The following GRID2 variants were observed in gnomAD, a reference collection of about 807,000 sequenced individuals.
GRID2 encodes glutamate receptor ionotropic, delta-2.
GRID2 carries 33 observed loss-of-function variants against 114.8 expected under a neutral mutation model. That is an observed-to-expected ratio of 0.29 (90% CI 0.22 to 0.38). The LOEUF (loss-of-function observed/expected upper bound fraction) is 0.38, where lower values mean the gene tolerates loss of function less well. Among genes scored for constraint, GRID2 ranks in the 10% least tolerant of loss-of-function variants. The pLI is 1.00. For synonymous variants in GRID2, 505 were observed against 449.9 expected (o/e 1.12, Z -1.55); for missense variants, 1,184 against 1,257.7 (o/e 0.94, Z 0.89).
chr4:92,387,820 C>G (rs1730044810), intron 1 of GRID2, among the ~76,000 whole-genome samples: 1 of 152,096 alleles, frequency 6.6e-6, no homozygotes, highest in South Asian at 2.1e-4. Flanking sequence ...AATAAAAATT[C>G]CATTCCCTAA....
At chr4:92,437,198 A>G (rs1436599369) in intron 1 of GRID2, among the ~76,000 whole-genome samples, 1 of 152,208 alleles carries the variant, frequency 6.6e-6, no homozygotes, top group East Asian at 1.9e-4. Context: ...TATTCGGTGC[A>G]CTGAACTTGG....
intron 2 of GRID2, among the ~76,000 whole-genome samples, chr4:92,645,342 G>GGT (rs1220182544): frequency 1.3e-5 from 2 of 151,608 alleles, no homozygotes; most frequent in African/African-American, 4.8e-5. Flanking sequence ...TGTTTAACAT[G>GGT]TTCCCCTTTT....
chr4:92,900,288 G>A (rs1021360332), intron 2 of GRID2, among the ~76,000 whole-genome samples: 4 of 152,022 alleles, frequency 2.6e-5, no homozygotes, highest in East Asian at 1.9e-4. Flanking sequence ...ATAAATTTAG[G>A]GGGTACGAGT....
chr4:92,875,149 G>GTT (rs36120160), intron 2 of GRID2, among the ~76,000 whole-genome samples: 1,073 of 85,020 alleles, frequency 0.013, 64 homozygotes, highest in African/African-American at 0.044. Flanking sequence ...AACTCAAAAG[G>GTT]TTTTTTTTTT....
intron 8 of GRID2, among the ~76,000 whole-genome samples, chr4:93,271,318 G>A (rs1322232353): frequency 1.3e-5 from 2 of 152,118 alleles, no homozygotes; most frequent in African/African-American, 2.4e-5. Flanking sequence ...GCTGGGAGGT[G>A]GGGGAATGTC....
rs375925334 is a variant in GRID2 at position 92,881,548 on chromosome 4, G to T, written c.245-203447G>T. ...ATAATTGATTTGCATTACAACACAA[G>T]TCAAGGTAAAAATTCTATATTTATG... On this transcript the variant is annotated intron_variant, in intron 2 of 15. Coordinates refer to ENST00000282020, the MANE Select transcript of GRID2 (RefSeq NM_001510.4). 2.6e-5 allele frequency among the ~76,000 whole-genome samples: 4 copies of T among 152,148 alleles called. No homozygotes were observed. The East Asian group carries it at 7.7e-4, about 29-fold the overall frequency.
At chr4:93,206,872 T>C (rs1472749199) in intron 4 of GRID2, among the ~76,000 whole-genome samples, 1 of 152,116 alleles carries the variant, frequency 6.6e-6, no homozygotes, top group African/African-American at 2.4e-5. Flanking sequence ...TTAGAATAGA[T>C]CACCTTAGAA....
In GRID2 at chr4:93,591,514, T is replaced by A. The variant is rs528232836; in HGVS notation, c.2194-34755T>A. ...TTCATCAGGGATATGGGTCTAAAATTCTCTTTTTTGGTTCTGTCTCTGCCG... is the reference window on the plus strand; with the variant it reads ...TTCATCAGGGATATGGGTCTAAAATACTCTTTTTTGGTTCTGTCTCTGCCG... On this transcript the variant is annotated intron_variant, in intron 13 of 15. Transcript: ENST00000282020. Among the ~76,000 whole-genome samples the A allele has an allele frequency of 7.0e-4, 106 of 152,254 alleles. 1 individual carries two copies. The highest frequency in any genetic ancestry group is 1.4e-3 in the Non-Finnish European group (97 of 68,014).
chr4:93,561,097 A>G (rs1353628957), intron 13 of GRID2, among the ~76,000 whole-genome samples: 1 of 152,130 alleles, frequency 6.6e-6, no homozygotes, highest in Non-Finnish European at 1.5e-5. Flanking sequence ...ATTTACTTCA[A>G]AATAACCTGC....
At position 93,773,814 on chromosome 4, in the gene GRID2, T is replaced by C. The variant is rs1039217797; in HGVS notation, c.*1316T>C. ...TCTCAACTCAACTCCCTTTTTTATTTAGTTCTATTTGGAGGAGTTATGTAT... is the reference window on the plus strand; with the variant it reads ...TCTCAACTCAACTCCCTTTTTTATTCAGTTCTATTTGGAGGAGTTATGTAT... On this transcript the variant is annotated 3_prime_UTR_variant, in exon 16 of 16. Coordinates refer to ENST00000282020, the MANE Select transcript of GRID2 (RefSeq NM_001510.4). The C allele has an allele frequency of 2.6e-5, 4 of 152,140 alleles. No homozygotes were observed. Among genetic ancestry groups the C allele is most frequent in the African/African-American group, 9.7e-5 (4 of 41,448 alleles). The allele number at this position is 152,140 out of a possible 1,614,324, so 9.4% of individuals were successfully genotyped here. A position where few individuals can be genotyped will look rare whatever the true frequency, so the allele number is the denominator to read the frequency against.
intron 9 of GRID2, among the ~76,000 whole-genome samples, chr4:93,406,825 G>A (rs1237420401): frequency 1.3e-5 from 2 of 152,020 alleles, no homozygotes; most frequent in Non-Finnish European, 2.9e-5. Context: ...GAAGCTGCAC[G>A]CTCATCTTCC....
At chr4:92,850,952 A>C (rs1018075212) in intron 2 of GRID2, among the ~76,000 whole-genome samples, 2 of 151,930 alleles carry the variant, frequency 1.3e-5, no homozygotes, top group African/African-American at 4.8e-5. Context: ...AAATCATTTC[A>C]TTGCCACAGG....
intron 1 of GRID2, among the ~76,000 whole-genome samples, chr4:92,399,323 G>C (rs972216334): frequency 6.6e-6 from 1 of 152,054 alleles, no homozygotes; most frequent in Non-Finnish European, 1.5e-5. Context: ...CTCATAGTCC[G>C]AGATTCCTCA....
In GRID2 at chr4:93,406,100, A is replaced by G. The variant is rs575202719; in HGVS notation, c.1347+10392A>G. Among the ~76,000 whole-genome samples, 428 of 152,328 alleles carry G rather than the reference A, an allele frequency of 2.8e-3. 1 individual carries two copies. The highest frequency in any genetic ancestry group is 9.7e-3 in the African/African-American group (402 of 41,594). On this transcript the variant is annotated intron_variant, in intron 9 of 15. Transcript: ENST00000282020. ...TCTTCAAGTTACAAATATGCTAAAA[A>G]TAAGCATTGAATCCTTATCTATCTA...
intron 4 of GRID2, among the ~76,000 whole-genome samples, chr4:93,136,863 A>C (rs940385735): frequency 1.3e-5 from 2 of 152,266 alleles, no homozygotes; most frequent in South Asian, 4.1e-4. Flanking sequence ...ATACTATCCA[A>C]ATCTTAAAGG....
intron 1 of GRID2, among the ~76,000 whole-genome samples, chr4:92,556,018 A>G (rs932297054): frequency 4.6e-5 from 7 of 151,994 alleles, no homozygotes; most frequent in African/African-American, 1.2e-4. Flanking sequence ...ACCCATGACA[A>G]TGGGCCCTGA....
At chr4:92,983,208 T>A (rs1164615813) in intron 2 of GRID2, among the ~76,000 whole-genome samples, 2 of 152,090 alleles carry the variant, frequency 1.3e-5, no homozygotes, top group Admixed American at 1.3e-4. Context: ...GGGTAATTAA[T>A]CATGAACAGA....
intron 2 of GRID2, among the ~76,000 whole-genome samples, chr4:93,031,385 T>C (rs539160609): frequency 7.9e-5 from 12 of 152,018 alleles, no homozygotes; most frequent in Non-Finnish European, 1.5e-4. Context: ...AAATCCACAA[T>C]CTTTAGAACT....
At chr4:92,930,503 A>G (rs970954350) in intron 2 of GRID2, among the ~76,000 whole-genome samples, 1 of 151,100 alleles carries the variant, frequency 6.6e-6, no homozygotes, top group African/African-American at 2.4e-5. Context: ...TTTAATAAGC[A>G]AACTGCACTA....
Sources: gnomAD v4.1 joint callset for allele counts (sites outside exome capture counted in the v4.1 genomes callset) on GRCh38, gnomAD v4.1.1 for gene constraint, MANE v1.5 for transcripts, NCBI Gene and HGNC (gene_info 2026-07-23, HGNC 2026-07-21) for gene names.